Variants in PTPRN2 observed in about 807,000 individuals in gnomAD.
The protein encoded by PTPRN2 is receptor-type tyrosine-protein phosphatase N2.
In PTPRN2, 74 loss-of-function variants were observed where a neutral mutation model predicts 118.8. The observed-to-expected ratio is 0.62, with a 90% CI of 0.52 to 0.76. PTPRN2 has a LOEUF of 0.76. PTPRN2 is among the 30% of genes least tolerant of loss of function. The pLI, the probability that PTPRN2 is intolerant of heterozygous loss-of-function variation, is 0.00. For synonymous variants in PTPRN2, 641 were observed against 608.0 expected, an observed-to-expected ratio of 1.05 and a Z score of -0.80; for missense variants, 1,481 against 1,394.4, an observed-to-expected ratio of 1.06 and a Z score of -0.99.
chr7:158,520,816 G>A lies in PTPRN2; in HGVS notation c.113-31031C>T, dbSNP rs80061360. 1.8e-3 allele frequency among the ~76,000 whole-genome samples: 279 copies of A among 152,268 alleles called. 2 individuals are homozygous for A. In the East Asian group the frequency reaches 0.031, roughly 17 times the overall value. On this transcript the variant is annotated intron_variant, in intron 1 of 22. Coordinates refer to ENST00000389418, the MANE Select transcript of PTPRN2 (RefSeq NM_002847.5). ...TGCCCAGCCAGGTCACAGTGAGCAC[G>A]TCCTGGTTTCCATGTCTGAGCACCA...
intron 2 of PTPRN2, among the ~76,000 whole-genome samples, chr7:158,466,925 C>T (rs1048357204): frequency 6.6e-6 from 1 of 152,188 alleles, no homozygotes; most frequent in African/African-American, 2.4e-5. Flanking sequence ...TCTGTAATCC[C>T]AGCTACTCGG....
At chr7:157,697,278 A>G in intron 12 of PTPRN2, among the ~76,000 whole-genome samples, 1 of 142,758 alleles carries the variant, frequency 7.0e-6, no homozygotes. Context: ...CAGATTCCTC[A>G]CCATCTACCC....
chr7:158,353,722 A>G (rs1173844937), intron 2 of PTPRN2, among the ~76,000 whole-genome samples: 2 of 152,208 alleles, frequency 1.3e-5, no homozygotes, highest in African/African-American at 4.8e-5. Flanking sequence ...CCACATCTGC[A>G]AGGCCCCTCC....
chr7:158,200,507 A>G (rs977683998), intron 4 of PTPRN2, among the ~76,000 whole-genome samples: 6 of 152,238 alleles, frequency 3.9e-5, no homozygotes, highest in African/African-American at 1.4e-4. Flanking sequence ...AAATAAGGAC[A>G]TGTTGAAGTA....
chr7:158,004,318 C>T (rs1257887404), intron 11 of PTPRN2, among the ~76,000 whole-genome samples: 5 of 152,146 alleles, frequency 3.3e-5, no homozygotes, highest in East Asian at 1.9e-4. Context: ...CAATGGCACC[C>T]GAATTTTATT....
intron 6 of PTPRN2, among the ~76,000 whole-genome samples, chr7:158,154,900 T>A (rs191450765): frequency 7.7e-4 from 118 of 152,282 alleles, no homozygotes; most frequent in Non-Finnish European, 3.1e-4. Flanking sequence ...CTCAGAAGCA[T>A]CCACTACCTG....
chr7:158,287,937 A>T (rs1048297246), intron 3 of PTPRN2, among the ~76,000 whole-genome samples: 4 of 152,126 alleles, frequency 2.6e-5, no homozygotes, highest in Non-Finnish European at 5.9e-5. Context: ...GCTACATTAC[A>T]GTCCATCTCT....
At chr7:158,549,753 A>C (rs1826527468) in intron 1 of PTPRN2, among the ~76,000 whole-genome samples, 1 of 152,224 alleles carries the variant, frequency 6.6e-6, no homozygotes, top group Non-Finnish European at 1.5e-5. Context: ...ACCCCGTGAG[A>C]ACACCGATTC....
At chr7:158,108,145 C>T (rs999922630) in intron 10 of PTPRN2, among the ~76,000 whole-genome samples, 7 of 152,030 alleles carry the variant, frequency 4.6e-5, no homozygotes, top group Admixed American at 2.0e-4. Context: ...GAGTACGTGA[C>T]CCTTTGCTCA....
chr7:157,689,059 G>A (rs558842083), intron 12 of PTPRN2, among the ~76,000 whole-genome samples: 1 of 152,206 alleles, frequency 6.6e-6, no homozygotes, highest in East Asian at 1.9e-4. Context: ...GCGTCCACCC[G>A]TGAATCCCGG....
At chr7:158,303,020 G>A (rs1408477275) in intron 3 of PTPRN2, among the ~76,000 whole-genome samples, 1 of 152,086 alleles carries the variant, frequency 6.6e-6, no homozygotes, top group Non-Finnish European at 1.5e-5. Flanking sequence ...GTCACACTTA[G>A]CACTTTTTTA....
chr7:157,951,612 C>T (rs149612763), intron 11 of PTPRN2, among the ~76,000 whole-genome samples: 9 of 152,314 alleles, frequency 5.9e-5, no homozygotes, highest in Non-Finnish European at 1.0e-4. Context: ...AAAAGGGAAA[C>T]GCCTTACTAA....
intron 12 of PTPRN2, chr7:157,866,192 G>A (rs1311058251): frequency 6.6e-6 from 1 of 152,166 alleles, no homozygotes; most frequent in East Asian, 1.9e-4. Flanking sequence ...TCACTTTCTA[G>A]GCCCCACCAT....
chr7:158,153,224 T>C (rs1014371509), intron 6 of PTPRN2, among the ~76,000 whole-genome samples: 1 of 152,236 alleles, frequency 6.6e-6, no homozygotes, highest in African/African-American at 2.4e-5. Context: ...CTCCCCCATC[T>C]GCTGAGAGCT....
intron 2 of PTPRN2, among the ~76,000 whole-genome samples, chr7:158,390,410 G>A (rs574647755): frequency 6.6e-6 from 1 of 152,232 alleles, no homozygotes; most frequent in Non-Finnish European, 1.5e-5. Flanking sequence ...ACGTAAAGTG[G>A]AATCAGCAGC....
chr7:157,708,061 G>A (rs1005576933), intron 12 of PTPRN2, among the ~76,000 whole-genome samples: 2 of 152,238 alleles, frequency 1.3e-5, no homozygotes, highest in African/African-American at 2.4e-5. Flanking sequence ...GCCTTGGGCC[G>A]CTGGGGCCAG....
intron 1 of PTPRN2, among the ~76,000 whole-genome samples, chr7:158,568,378 C>G (rs748423308): frequency 6.6e-6 from 1 of 151,908 alleles, no homozygotes; most frequent in South Asian, 2.1e-4. Flanking sequence ...CACAATATAG[C>G]GAAGCCAAAC....
chr7:158,496,032 G>T (rs1440318503), intron 1 of PTPRN2, among the ~76,000 whole-genome samples: 2 of 151,826 alleles, frequency 1.3e-5, no homozygotes, highest in African/African-American at 4.8e-5. Context: ...AGGGCTTGGG[G>T]GGCAGCAGGG....
chr7:158,333,749 A>T (rs1440041868), intron 2 of PTPRN2, among the ~76,000 whole-genome samples: 1 of 149,564 alleles, frequency 6.7e-6, no homozygotes. Context: ...TACTCTCACC[A>T]TAAGAGCTGA....
Sources: gnomAD v4.1 joint callset for allele counts (sites outside exome capture counted in the v4.1 genomes callset) on GRCh38, gnomAD v4.1.1 for gene constraint, MANE v1.5 for transcripts, NCBI Gene and HGNC (gene_info 2026-07-23, HGNC 2026-07-21) for gene names.